The following SORL1 variants were observed in gnomAD, a reference collection of about 807,000 sequenced individuals.
SORL1 encodes sortilin-related receptor.
A neutral mutation model predicts 273.7 loss-of-function variants in SORL1; 127 were observed. That is an observed-to-expected ratio of 0.46 (90% CI 0.40 to 0.54). SORL1 has a LOEUF of 0.54. Ranked by LOEUF, SORL1 falls within the 20% of genes least tolerant of loss-of-function variation. The probability of loss-of-function intolerance (pLI) is 0.00; values close to 1 mark genes in which losing one functional copy is unlikely to be tolerated. For missense variants in SORL1, 2,494 were observed against 2,846.1 expected, an observed-to-expected ratio of 0.88 and a Z score of 2.81; for synonymous variants, 1,031 against 1,067.4, an observed-to-expected ratio of 0.97 and a Z score of 0.66.
At chr11:121,575,668 A>G (rs1025009183) in intron 24 of SORL1, among the ~76,000 whole-genome samples, 1 of 152,230 alleles carries the variant, frequency 6.6e-6, no homozygotes, top group Non-Finnish European at 1.5e-5. Context: ...GGTTTTTAAA[A>G]AATTCCCAGT....
At chr11:121,499,047 T>TAC (rs1861673309) in intron 6 of SORL1, among the ~76,000 whole-genome samples, 1 of 152,186 alleles carries the variant, frequency 6.6e-6, no homozygotes, top group South Asian at 2.1e-4. Context: ...ATCTCACCGA[T>TAC]ACAGTACCCA....
rs376143014 is a variant in SORL1, at chr11:121,480,261, T to C, written c.528+2018T>C. ...CCATTAAACAATGTATGTATGTTTT[T>C]AAACATTATGTTCTACATGATAAAT... On this transcript the variant is annotated intron_variant, in intron 3 of 47. Transcript: ENST00000260197. 1.4e-4 allele frequency among the ~76,000 whole-genome samples: 22 copies of C among 152,330 alleles called. No homozygotes were observed. The South Asian group carries it at 1.4e-3, about 10-fold the overall frequency.
chr11:121,611,072 T>A lies in SORL1; in HGVS notation c.5240-4T>A. 6.2e-7 allele frequency: 1 copy of A among 1,609,986 alleles called. No homozygotes were observed. The highest frequency in any genetic ancestry group is 8.5e-7 in the Non-Finnish European group (1 of 1,176,284). ...TCTGTTTTTGAATTCCTTTTTGTTT[T>A]CAGTGATCCCACCACCAGATATCCA... On this transcript the variant is annotated splice_region_variant and splice_polypyrimidine_tract_variant and intron_variant, in intron 38 of 47. Transcript: ENST00000260197.
chr11:121,571,140 G>A (rs1246303657), intron 23 of SORL1, among the ~76,000 whole-genome samples: 2 of 152,232 alleles, frequency 1.3e-5, no homozygotes, highest in Admixed American at 1.3e-4. Context: ...AGAGTGACGG[G>A]CACTGCGATG....
At chr11:121,574,529 C>G (rs1192944252) in intron 24 of SORL1, among the ~76,000 whole-genome samples, 166 bp downstream of exon 24, 1 of 152,220 alleles carries the variant, frequency 6.6e-6, no homozygotes, top group Non-Finnish European at 1.5e-5. Context: ...AGTCATTTCT[C>G]TGTCCATTCT....
chr11:121,474,318 C>T (rs1861224171), intron 2 of SORL1, among the ~76,000 whole-genome samples: 1 of 151,510 alleles, frequency 6.6e-6, no homozygotes, highest in Admixed American at 6.6e-5. Flanking sequence ...CAGTGTCTTG[C>T]CGGGGCCAGG....
chr11:121,583,390 C>A, intron 25 of SORL1, 68 bp from the exon 26 acceptor site: 2 of 1,498,606 alleles, frequency 1.3e-6, no homozygotes, highest in East Asian at 2.5e-5. Context: ...TTTCAGCCCA[C>A]CCCCTTGGAC....
chr11:121,631,419 T>C lies in SORL1; in HGVS notation c.*1856T>C, dbSNP rs1863875184. On this transcript the variant is annotated 3_prime_UTR_variant, in exon 48 of 48. Coordinates refer to ENST00000260197, the MANE Select transcript of SORL1 (RefSeq NM_003105.6). ...TTTTTGGCTTTATCTTGTCTTACCGTAGAGATTTGTTCAAAACTCTAAGCC... is the reference window on the plus strand; with the variant it reads ...TTTTTGGCTTTATCTTGTCTTACCGCAGAGATTTGTTCAAAACTCTAAGCC... The C allele has an allele frequency of 6.6e-6, 1 of 152,098 alleles. No individual in the cohort carries two copies. Among genetic ancestry groups the C allele is most frequent in the Non-Finnish European group, 1.5e-5 (1 of 68,018 alleles). 9.4% of individuals were successfully genotyped at this position (152,098 alleles called of 1,614,324 possible).
intron 1 of SORL1, among the ~76,000 whole-genome samples, chr11:121,465,679 C>T (rs1861071774): frequency 6.6e-6 from 1 of 152,186 alleles, no homozygotes. Flanking sequence ...AGGCACGTGC[C>T]ACCGTGCCTG....
intron 11 of SORL1, among the ~76,000 whole-genome samples, chr11:121,530,166 T>C (rs1185390041): frequency 6.6e-6 from 1 of 152,256 alleles, no homozygotes; most frequent in African/African-American, 2.4e-5. Flanking sequence ...AAGCAGTGTT[T>C]GTTTTTGCTT....
chr11:121,543,995 GATAA>G (rs1387564806), intron 13 of SORL1, among the ~76,000 whole-genome samples: 3 of 152,174 alleles, frequency 2.0e-5, no homozygotes, highest in African/African-American at 7.2e-5. Context: ...TGAATATGTA[GATAA>G]ATGCATGAAT....
Position 121,627,287 on chromosome 11 carries a change from A to C in SORL1, c.6365-268A>C. ...CCAACAAAGGTCTCCCTTCCAAGAG[A>C]TTATCTAAATAACCAACAAGGCAGT... On this transcript the variant is annotated intron_variant, in intron 46 of 47. Coordinates refer to ENST00000260197, the MANE Select transcript of SORL1 (RefSeq NM_003105.6). This position sits in a 1 kb window ranked among gnomAD's most constrained non-coding sequence, Gnocchi z 4.9. 2.1e-6 allele frequency: 1 copy of C among 467,846 alleles called. No homozygotes were observed. Among genetic ancestry groups the C allele is most frequent in the Non-Finnish European group, 3.8e-6 (1 of 260,680 alleles). 29.0% of individuals were successfully genotyped at this position (467,846 alleles called of 1,614,324 possible).
intron 1 of SORL1, among the ~76,000 whole-genome samples, chr11:121,461,171 C>T (rs910810961): frequency 7.6e-6 from 1 of 131,672 alleles, no homozygotes; most frequent in Non-Finnish European, 1.7e-5. Flanking sequence ...AATTCTCTCA[C>T]TGAGTGGTTA....
At position 121,563,417 on chromosome 11, in the gene SORL1, A is replaced by G. The variant is rs1188746566; in HGVS notation, c.3050-3523A>G. On this transcript the variant is annotated intron_variant, in intron 21 of 47. Transcript: ENST00000260197. This position sits in a 1 kb window ranked among gnomAD's most constrained non-coding sequence, Gnocchi z 4.2. ...TTTTTATTTGTTTAGTTTTTTGGAG[A>G]CAGAGTCTCGTTCTGTTACCCCGGC... 1.3e-5 allele frequency among the ~76,000 whole-genome samples: 2 copies of G among 152,070 alleles called. No homozygotes were observed. Among genetic ancestry groups the G allele is most frequent in the South Asian group, 2.1e-4 (1 of 4,822 alleles).
At chr11:121,562,163 G>C (rs2134914645) in intron 21 of SORL1, among the ~76,000 whole-genome samples, 5 of 152,308 alleles carry the variant, frequency 3.3e-5, no homozygotes, top group Middle Eastern at 6.8e-3. Context: ...AGTCAGATCA[G>C]TAGGGGTGGA....
chr11:121,582,601 G>A (rs555880098), intron 25 of SORL1, among the ~76,000 whole-genome samples: 16 of 152,296 alleles, frequency 1.1e-4, no homozygotes, highest in Non-Finnish European at 2.4e-4. Context: ...TTTTTGAGGT[G>A]GTTCTAAATG....
At chr11:121,572,080 C>T (rs1354154794) in intron 23 of SORL1, among the ~76,000 whole-genome samples, 1 of 152,200 alleles carries the variant, frequency 6.6e-6, no homozygotes, top group African/African-American at 2.4e-5. Context: ...ATTGCCCAGA[C>T]ATAATTAGGC....
intron 8 of SORL1, among the ~76,000 whole-genome samples, chr11:121,518,320 G>C (rs1260267960): frequency 6.6e-6 from 1 of 152,180 alleles, no homozygotes; most frequent in Non-Finnish European, 1.5e-5. Flanking sequence ...TAGACCCTCA[G>C]AGAAAGTACT....
Position 121,452,359 on chromosome 11 carries a change from T to C in SORL1, c.28T>C (p.Ser10Pro). 6.5e-7 allele frequency: 1 copy of C among 1,548,684 alleles called. No homozygotes were observed. Among genetic ancestry groups the C allele is most frequent in the Non-Finnish European group, 8.7e-7 (1 of 1,152,264 alleles). MATRSSRRE[S>P]RLPFLFTLVA... ...GGCGACACGGAGCAGCAGGAGGGAG[T>C]CGCGACTCCCGTTCCTATTCACCCT... Residue 10 changes from serine to proline, a missense_variant, in exon 1 of 48, where the codon TCG becomes CCG. Physicochemically the swap from Ser to Pro is moderately conservative, Grantham distance 74. Around this residue, in one of 3 missense-constraint regions of SORL1, gnomAD observed 175 missense variants for 147.1 expected, o/e 1.19. Coordinates refer to ENST00000260197, the MANE Select transcript of SORL1 (RefSeq NM_003105.6). The surrounding 1 kb of genome is among the most constrained non-coding windows in gnomAD (Gnocchi z 5.3).
Sources: gnomAD v4.1 joint callset for allele counts (sites outside exome capture counted in the v4.1 genomes callset) on GRCh38, gnomAD v4.1.1 for gene constraint, gnomAD v4.1.1 regional missense constraint, Gnocchi (gnomAD v3.1) non-coding constraint, MANE v1.5 for transcripts, NCBI Gene and HGNC (gene_info 2026-07-23, HGNC 2026-07-21) for gene names.